Variants in GLIS1 observed in about 807,000 individuals in gnomAD.
GLIS1 encodes GLIS family zinc finger 1.
GLIS1 carries 24 observed loss-of-function variants against 63.8 expected under a neutral mutation model. The ratio of observed to expected loss-of-function variants is 0.38; its 90% CI spans 0.27 to 0.53. The LOEUF (loss-of-function observed/expected upper bound fraction) is 0.53. Ranked by LOEUF, GLIS1 falls within the 20% of genes least tolerant of loss-of-function variation. GLIS1 has a pLI of 0.85. For synonymous variants in GLIS1, 450 were observed against 482.5 expected (o/e 0.93, Z 0.88); for missense variants, 1,036 against 1,074.1 (o/e 0.96, Z 0.50).
intron 4 of GLIS1, among the ~76,000 whole-genome samples, chr1:53,541,394 A>C (rs1023278681): frequency 6.6e-6 from 1 of 152,196 alleles, no homozygotes; most frequent in Non-Finnish European, 1.5e-5. Flanking sequence ...ACACCCACCC[A>C]GCCACCCACA....
chr1:53,643,508 C>T (rs1440985230), intron 2 of GLIS1, among the ~76,000 whole-genome samples: 2 of 152,184 alleles, frequency 1.3e-5, no homozygotes, highest in Non-Finnish European at 2.9e-5. Context: ...TCCATCTGGG[C>T]CTCAGTCTCC....
chr1:53,642,548 G>A (rs757718575), intron 2 of GLIS1, among the ~76,000 whole-genome samples: 6 of 152,126 alleles, frequency 3.9e-5, no homozygotes, highest in South Asian at 2.1e-4. Context: ...GCTAATGAAC[G>A]CCTGTCTATC....
intron 2 of GLIS1, among the ~76,000 whole-genome samples, chr1:53,686,949 G>A (rs919629437): frequency 6.6e-6 from 1 of 152,118 alleles, no homozygotes; most frequent in South Asian, 2.1e-4. Flanking sequence ...TGACAGTGTT[G>A]AGCCCTTTCT....
chr1:53,535,995 C>T (rs970850389), intron 4 of GLIS1, among the ~76,000 whole-genome samples: 10 of 152,098 alleles, frequency 6.6e-5, no homozygotes, highest in South Asian at 2.1e-4. Flanking sequence ...CTGGCCTCCA[C>T]GCTTCCCGAC....
intron 4 of GLIS1, among the ~76,000 whole-genome samples, chr1:53,530,660 C>A (rs1226226748): frequency 6.6e-6 from 1 of 152,208 alleles, no homozygotes; most frequent in Non-Finnish European, 1.5e-5. Context: ...CAGGGGTTGG[C>A]CAGACAATTT....
chr1:53,678,324 G>A (rs1383124221), intron 2 of GLIS1, among the ~76,000 whole-genome samples: 2 of 95,994 alleles, frequency 2.1e-5, no homozygotes, highest in Non-Finnish European at 4.6e-5. Context: ...AGTGCAGGAG[G>A]GTGAGGGGGG....
chr1:53,726,055 A>C (rs949095637), intron 2 of GLIS1, among the ~76,000 whole-genome samples: 1 of 152,240 alleles, frequency 6.6e-6, no homozygotes, highest in Non-Finnish European at 1.5e-5. Flanking sequence ...GGGAAAAATG[A>C]ACGCAAGCAT....
At chr1:53,608,255 C>A (rs752096380) in intron 2 of GLIS1, among the ~76,000 whole-genome samples, 3 of 152,324 alleles carry the variant, frequency 2.0e-5, no homozygotes, top group Middle Eastern at 3.4e-3. Context: ...GAGCCACTGC[C>A]CAGCCTGGTG....
chr1:53,718,369 T>C (rs576031817), intron 2 of GLIS1, among the ~76,000 whole-genome samples: 1 of 152,236 alleles, frequency 6.6e-6, no homozygotes, highest in Non-Finnish European at 1.5e-5. Context: ...ATTTGGACAT[T>C]CAGGAAAGTA....
chr1:53,609,911 G>T (rs770615443), intron 2 of GLIS1, among the ~76,000 whole-genome samples: 27 of 152,114 alleles, frequency 1.8e-4, no homozygotes, highest in Non-Finnish European at 3.7e-4. Flanking sequence ...GTATTGTACT[G>T]AATACTGTAG....
intron 2 of GLIS1, among the ~76,000 whole-genome samples, chr1:53,620,557 T>C (rs1645532339): frequency 1.3e-5 from 2 of 152,224 alleles, no homozygotes; most frequent in African/African-American, 4.8e-5. Flanking sequence ...TGTTGTTTCG[T>C]TTCGGCTCCA....
intron 2 of GLIS1, among the ~76,000 whole-genome samples, chr1:53,700,880 C>T (rs2100492370): frequency 6.6e-6 from 1 of 152,364 alleles, no homozygotes; most frequent in Non-Finnish European, 1.5e-5. Context: ...TAACATACGA[C>T]CTTTGTGTCT....
At chr1:53,568,450 C>T (rs961368343) in intron 4 of GLIS1, among the ~76,000 whole-genome samples, 6 of 152,130 alleles carry the variant, frequency 3.9e-5, no homozygotes, top group African/African-American at 1.2e-4. Context: ...TGAGTTAACG[C>T]TGGAATTAGT....
chr1:53,546,841 T>G (rs1396015630), intron 4 of GLIS1, among the ~76,000 whole-genome samples: 2 of 152,232 alleles, frequency 1.3e-5, no homozygotes, highest in African/African-American at 4.8e-5. Context: ...TTCCCTGTTG[T>G]TAAGACTAGG....
At chr1:53,715,176 A>T (rs1646685374) in intron 2 of GLIS1, among the ~76,000 whole-genome samples, 1 of 152,118 alleles carries the variant, frequency 6.6e-6, no homozygotes, top group Admixed American at 6.5e-5. Context: ...TCAGCCCCCC[A>T]CAGTGCTGGG....
chr1:53,662,302 G>A (rs1646037385), intron 2 of GLIS1, among the ~76,000 whole-genome samples: 1 of 152,154 alleles, frequency 6.6e-6, no homozygotes, highest in African/African-American at 2.4e-5. Flanking sequence ...ATTCGAAACA[G>A]GCTTTCTGAA....
At chr1:53,728,390 C>G (rs1404931439) in intron 2 of GLIS1, among the ~76,000 whole-genome samples, 2 of 152,074 alleles carry the variant, frequency 1.3e-5, no homozygotes. Context: ...GTTTTTTAAG[C>G]ACTTATACAT....
intron 2 of GLIS1, among the ~76,000 whole-genome samples, chr1:53,677,946 A>G (rs931416148): frequency 3.3e-5 from 5 of 152,172 alleles, no homozygotes; most frequent in African/African-American, 1.2e-4. Context: ...GGAAACACTG[A>G]TGTCTCCTGC....
chr1:53,568,135 G>C (rs1294250504), intron 4 of GLIS1, among the ~76,000 whole-genome samples: 1 of 152,226 alleles, frequency 6.6e-6, no homozygotes, highest in Non-Finnish European at 1.5e-5. Context: ...GAGCCACAGG[G>C]ATGGAGTTGC....
Sources: allele counts gnomAD v4.1 joint callset (sites outside exome capture counted in the v4.1 genomes callset), GRCh38; gene constraint gnomAD v4.1.1; transcripts MANE v1.5; gene names NCBI Gene and HGNC (gene_info 2026-07-23, HGNC 2026-07-21).